The following ROR2 variants were observed in gnomAD, a reference collection of about 807,000 sequenced individuals.
ROR2 encodes the protein ROR family WNT receptor 2, also known as tyrosine-protein kinase transmembrane receptor ROR2.
ROR2 carries 33 observed loss-of-function variants against 74.9 expected under a neutral mutation model. The observed-to-expected ratio is 0.44, with a 90% CI of 0.33 to 0.59. The LOEUF is 0.59. ROR2 is among the 20% of genes least tolerant of loss of function. ROR2 has a pLI of 0.02. For synonymous variants in ROR2, 586 were observed against 558.7 expected, an observed-to-expected ratio of 1.05 and a Z score of -0.69; for missense variants, 1,216 against 1,313.8, an observed-to-expected ratio of 0.93 and a Z score of 1.15.
chr9:91,898,356 C>T (rs1316677314), intron 1 of ROR2, among the ~76,000 whole-genome samples: 1 of 152,150 alleles, frequency 6.6e-6, no homozygotes, highest in Non-Finnish European at 1.5e-5. Context: ...ATATCCCATG[C>T]CCCAAACCTC....
intron 1 of ROR2, among the ~76,000 whole-genome samples, chr9:91,838,537 G>C (rs761941582): frequency 1.3e-5 from 2 of 152,114 alleles, no homozygotes; most frequent in Non-Finnish European, 2.9e-5. Flanking sequence ...ATCGGACTGC[G>C]GGGTTTCATT....
At chr9:91,736,620 G>C (rs1040566581) in intron 5 of ROR2, among the ~76,000 whole-genome samples, 11 of 152,234 alleles carry the variant, frequency 7.2e-5, no homozygotes, top group Non-Finnish European at 1.6e-4. Flanking sequence ...GGAGAGAGTA[G>C]AGACAGCAGG....
intron 4 of ROR2, among the ~76,000 whole-genome samples, chr9:91,752,242 T>C (rs1825615510): frequency 3.9e-5 from 6 of 152,190 alleles, no homozygotes; most frequent in Admixed American, 3.9e-4. Flanking sequence ...TAGTTAACAC[T>C]AACAGAAATG....
At chr9:91,827,081 A>G (rs1828318267) in intron 1 of ROR2, among the ~76,000 whole-genome samples, 1 of 152,154 alleles carries the variant, frequency 6.6e-6, no homozygotes, top group African/African-American at 2.4e-5. Context: ...TTTTTGTTAC[A>G]CGATTAGACT....
chr9:91,945,107 T>C (rs1831981175), intron 1 of ROR2, among the ~76,000 whole-genome samples: 1 of 151,816 alleles, frequency 6.6e-6, no homozygotes, highest in African/African-American at 2.4e-5. Context: ...TTAATACTAC[T>C]CAGATCCATC....
intron 1 of ROR2, among the ~76,000 whole-genome samples, chr9:91,925,009 T>A (rs529512486): frequency 6.6e-6 from 1 of 152,114 alleles, no homozygotes; most frequent in South Asian, 2.1e-4. Flanking sequence ...CACACCTGGC[T>A]ATTTTTTATT....
At position 91,905,233 on chromosome 9, in the gene ROR2, AAC is replaced by A. The variant is rs1830784914; in HGVS notation, c.97+44632_97+44633del. On this transcript the variant is annotated intron_variant, in intron 1 of 8. Coordinates refer to ENST00000375708, the MANE Select transcript of ROR2 (RefSeq NM_004560.4). This position sits in a 1 kb window ranked among gnomAD's most constrained non-coding sequence, Gnocchi z 5.3. ...TATACACCAAACACCACTCAACACA[AAC>A]ACCACATACAACACATACACAAACA... Among the ~76,000 whole-genome samples the A allele has an allele frequency of 6.6e-6, 1 of 151,564 alleles. No homozygotes were observed. Among genetic ancestry groups the A allele is most frequent in the Non-Finnish European group, 1.5e-5 (1 of 67,874 alleles).
chr9:91,882,494 A>T (rs1830143283), intron 1 of ROR2, among the ~76,000 whole-genome samples: 1 of 152,092 alleles, frequency 6.6e-6, no homozygotes, highest in Non-Finnish European at 1.5e-5. Flanking sequence ...GACCATGAAG[A>T]GGCAGTGAAA....
chr9:91,945,208 G>A (rs143616143), intron 1 of ROR2, among the ~76,000 whole-genome samples: 42 of 152,270 alleles, frequency 2.8e-4, no homozygotes, highest in African/African-American at 9.1e-4. Flanking sequence ...GCCAGTGAAG[G>A]GGAGGAAGTG....
At chr9:91,850,350 C>CTT (rs1829051931) in intron 1 of ROR2, among the ~76,000 whole-genome samples, 1 of 152,180 alleles carries the variant, frequency 6.6e-6, no homozygotes, top group African/African-American at 2.4e-5. Flanking sequence ...ACCATGTGGC[C>CTT]TTACATGGCT....
chr9:91,911,141 T>C (rs7850248), intron 1 of ROR2, among the ~76,000 whole-genome samples: 2,472 of 152,316 alleles, frequency 0.016, 63 homozygotes, highest in African/African-American at 0.056. Flanking sequence ...CCCCACCACC[T>C]GTTCCTTTGA....
At chr9:91,792,449 C>T (rs1827025678) in intron 1 of ROR2, among the ~76,000 whole-genome samples, 2 of 152,060 alleles carry the variant, frequency 1.3e-5, no homozygotes, top group African/African-American at 2.4e-5. Context: ...GCTGGGACTA[C>T]AGGCGCCCGC....
At chr9:91,800,227 A>G (rs1459527391) in intron 1 of ROR2, among the ~76,000 whole-genome samples, 2 of 152,052 alleles carry the variant, frequency 1.3e-5, no homozygotes, top group East Asian at 1.9e-4. Flanking sequence ...CTATAATCCC[A>G]GCTACTCAGG....
chr9:91,795,559 C>A (rs1056825302), intron 1 of ROR2, among the ~76,000 whole-genome samples: 1 of 152,200 alleles, frequency 6.6e-6, no homozygotes, highest in Non-Finnish European at 1.5e-5. Context: ...TCACCAGACA[C>A]TGCTTACTTC....
At chr9:91,903,164 A>G (rs545050819) in intron 1 of ROR2, among the ~76,000 whole-genome samples, 35 of 151,398 alleles carry the variant, frequency 2.3e-4, no homozygotes, top group African/African-American at 8.0e-4. Flanking sequence ...TAAAAAAAAT[A>G]CATGTTCTCC....
chr9:91,757,177 G>C, intron 3 of ROR2, 95 bp downstream of exon 3: 1 of 1,497,430 alleles, frequency 6.7e-7, no homozygotes, highest in Non-Finnish European at 9.2e-7. Context: ...GTGCTGACTG[G>C]TGTGTGTTCA....
chr9:91,738,560 G>A (rs915154610), intron 4 of ROR2, among the ~76,000 whole-genome samples: 7 of 152,144 alleles, frequency 4.6e-5, no homozygotes, highest in East Asian at 1.9e-4. Flanking sequence ...TTATGATAAC[G>A]ATGACAATCC....
In ROR2 at chr9:91,751,206, C is replaced by T. The variant is rs188503556; in HGVS notation, c.494+4865G>A. Among the ~76,000 whole-genome samples, 7 of 152,000 alleles carry T rather than the reference C, an allele frequency of 4.6e-5. No individual in the cohort carries two copies. The South Asian group carries it at 1.0e-3, about 23-fold the overall frequency. ...TCAGTGAAAAGAACTAACCTTCACTCGGCAGTCAATGCATGATTCAAGTGG... is the reference window on the plus strand; with the variant it reads ...TCAGTGAAAAGAACTAACCTTCACTTGGCAGTCAATGCATGATTCAAGTGG... On this transcript the variant is annotated intron_variant, in intron 4 of 8. Transcript: ENST00000375708.
chr9:91,857,545 C>T (rs943363716), intron 1 of ROR2, among the ~76,000 whole-genome samples: 4 of 152,182 alleles, frequency 2.6e-5, no homozygotes, highest in Non-Finnish European at 5.9e-5. Context: ...GAGAAAAAGG[C>T]CTTTATAAAT....
Sources: allele counts gnomAD v4.1 joint callset (sites outside exome capture counted in the v4.1 genomes callset), GRCh38; gene constraint gnomAD v4.1.1; non-coding constraint Gnocchi (gnomAD v3.1); transcripts MANE v1.5; gene names NCBI Gene and HGNC (gene_info 2026-07-23, HGNC 2026-07-21).